Variants in CHRM2 observed in about 807,000 individuals in gnomAD.
The protein encoded by CHRM2 is muscarinic acetylcholine receptor M2.
A neutral mutation model predicts 25.0 loss-of-function variants in CHRM2; 8 were observed. The observed-to-expected ratio is 0.32, with a 90% confidence interval of 0.19 to 0.58. The LOEUF (loss-of-function observed/expected upper bound fraction) is 0.58, where lower values mean the gene tolerates loss of function less well. Ranked by LOEUF, CHRM2 falls within the 20% of genes least tolerant of loss-of-function variation. The pLI, the probability that CHRM2 is intolerant of heterozygous loss-of-function variation, is 0.88. For missense variants in CHRM2, 440 were observed against 567.1 expected (o/e 0.78, Z 2.28); for synonymous variants, 202 against 205.7 (o/e 0.98, Z 0.15).
At chr7:137,000,699 C>T (rs1803974301) in intron 3 of CHRM2, among the ~76,000 whole-genome samples, 1 of 151,732 alleles carries the variant, frequency 6.6e-6, no homozygotes, top group Non-Finnish European at 1.5e-5. Flanking sequence ...GCTTTACCAT[C>T]ACATTATAAA....
At chr7:136,881,787 G>A (rs566199011) in intron 2 of CHRM2, among the ~76,000 whole-genome samples, 1 of 152,114 alleles carries the variant, frequency 6.6e-6, no homozygotes, top group South Asian at 2.1e-4. Flanking sequence ...GTTTGGACAA[G>A]TCTTCCATTT....
At chr7:136,918,801 A>G (rs1447056163) in intron 2 of CHRM2, among the ~76,000 whole-genome samples, 2 of 152,004 alleles carry the variant, frequency 1.3e-5, no homozygotes, top group African/African-American at 4.8e-5. Context: ...TCCAGCAGCC[A>G]CTGATATATT....
intron 2 of CHRM2, chr7:136,901,714 TAAC>T (rs1224305262): frequency 6.6e-5 from 10 of 152,092 alleles, no homozygotes; most frequent in Non-Finnish European, 1.5e-4. Flanking sequence ...ATTTACAAAA[TAAC>T]AACATTGATA....
intron 2 of CHRM2, among the ~76,000 whole-genome samples, chr7:136,951,558 T>G (rs1197699206): frequency 6.6e-6 from 1 of 152,052 alleles, no homozygotes; most frequent in African/African-American, 2.4e-5. Flanking sequence ...TGATTGCAAA[T>G]AAGAAAAGAG....
chr7:136,877,337 C>A (rs573815448), intron 2 of CHRM2, among the ~76,000 whole-genome samples: 1 of 152,106 alleles, frequency 6.6e-6, no homozygotes, highest in South Asian at 2.1e-4. Context: ...GGGACACAGT[C>A]CCATTTGCAT....
chr7:136,947,427 G>A (rs944148854), intron 2 of CHRM2, among the ~76,000 whole-genome samples: 12 of 152,100 alleles, frequency 7.9e-5, no homozygotes, highest in Non-Finnish European at 1.2e-4. Flanking sequence ...GAGGTATTTA[G>A]GTTTTTCTAC....
At chr7:136,989,092 T>C (rs1803046217) in intron 2 of CHRM2, among the ~76,000 whole-genome samples, 1 of 152,078 alleles carries the variant, frequency 6.6e-6, no homozygotes, top group African/African-American at 2.4e-5. Flanking sequence ...ACATCAAAAG[T>C]GACAGAACCA....
At chr7:136,908,595 C>A (rs1372659501) in intron 2 of CHRM2, among the ~76,000 whole-genome samples, 1 of 151,884 alleles carries the variant, frequency 6.6e-6, no homozygotes, top group East Asian at 1.9e-4. Context: ...CATTCTCATA[C>A]TCACTGAATA....
chr7:137,013,322 T>A (rs1044509862), intron 3 of CHRM2, among the ~76,000 whole-genome samples: 11 of 151,074 alleles, frequency 7.3e-5, no homozygotes, highest in African/African-American at 2.4e-4. Flanking sequence ...TGGAAAACAA[T>A]TGACTTTCCA....
At chr7:136,879,842 C>A (rs532112237) in intron 2 of CHRM2, among the ~76,000 whole-genome samples, 1 of 151,748 alleles carries the variant, frequency 6.6e-6, no homozygotes, top group Non-Finnish European at 1.5e-5. Flanking sequence ...GAAAGAAAGG[C>A]GGCCATCTTT....
At chr7:136,957,246 A>T (rs1346422876) in intron 2 of CHRM2, among the ~76,000 whole-genome samples, 1 of 116,944 alleles carries the variant, frequency 8.6e-6, no homozygotes, top group East Asian at 2.2e-4. Flanking sequence ...AACAGGTGTC[A>T]TAGTGTATAT....
At chr7:136,901,182 G>A (rs941028060) in intron 2 of CHRM2, among the ~76,000 whole-genome samples, 1 of 152,008 alleles carries the variant, frequency 6.6e-6, no homozygotes, top group Non-Finnish European at 1.5e-5. Flanking sequence ...CCCTGGGAAA[G>A]GAAAAATTCC....
chr7:136,904,915 C>A (rs984472535), intron 2 of CHRM2, among the ~76,000 whole-genome samples: 4 of 151,920 alleles, frequency 2.6e-5, no homozygotes, highest in Non-Finnish European at 5.9e-5. Flanking sequence ...TAACTCACTA[C>A]ACTTCTGTAT....
At position 136,916,588 on chromosome 7, in the gene CHRM2, C is replaced by T. The variant is rs187356163; in HGVS notation, c.-125+47170C>T. On this transcript the variant is annotated intron_variant, in intron 2 of 3. Transcript: ENST00000680005. ...TCCGCTTCAAAGTTTATATTGTCCT[C>T]CTCACATGTTCCCTTTTATTTGCTT... Among the ~76,000 whole-genome samples the T allele has an allele frequency of 1.4e-4, 21 of 151,394 alleles. No individual in the cohort carries two copies. In the East Asian group the frequency reaches 4.1e-3, roughly 29 times the overall value.
intron 2 of CHRM2, among the ~76,000 whole-genome samples, chr7:136,980,007 T>C (rs961639264): frequency 6.6e-6 from 1 of 152,216 alleles, no homozygotes; most frequent in African/African-American, 2.4e-5. Context: ...TTGATGGGAA[T>C]AGCATTGAAT....
intron 2 of CHRM2, among the ~76,000 whole-genome samples, chr7:136,897,260 C>G (rs1386020072): frequency 6.6e-6 from 1 of 151,890 alleles, no homozygotes; most frequent in African/African-American, 2.4e-5. Flanking sequence ...TTTGAGGAAG[C>G]CAATGCATAT....
rs1223114668 is a variant in CHRM2 at position 136,954,075 on chromosome 7, T to G, written c.-124-38112T>G. On this transcript the variant is annotated intron_variant, in intron 2 of 3. Coordinates refer to ENST00000680005, the MANE Select transcript of CHRM2 (RefSeq NM_001006630.2). ...ATGCTTATATCAGTCCAGAACTTTG[T>G]GTTCTTCCTTTGAGGTAAGAGTGAG... is the stretch of plus-strand genomic sequence containing the variant. Among the ~76,000 whole-genome samples, 3 of 152,180 alleles carry G rather than the reference T, an allele frequency of 2.0e-5. No homozygotes were observed. In the East Asian group the frequency reaches 5.8e-4, roughly 29 times the overall value.
chr7:136,943,732 T>C (rs1467315104), intron 2 of CHRM2, among the ~76,000 whole-genome samples: 3 of 39,176 alleles, frequency 7.7e-5, no homozygotes, highest in Non-Finnish European at 1.7e-4. Context: ...TCAATGATTA[T>C]CTCAGAAATT....
At chr7:136,886,845 C>T (rs543485075) in intron 2 of CHRM2, among the ~76,000 whole-genome samples, 2 of 152,100 alleles carry the variant, frequency 1.3e-5, no homozygotes, top group Non-Finnish European at 2.9e-5. Context: ...TGCACACTAC[C>T]CTGAGCAACA....
Sources: allele counts gnomAD v4.1 joint callset (sites outside exome capture counted in the v4.1 genomes callset), GRCh38; gene constraint gnomAD v4.1.1; transcripts MANE v1.5; gene names NCBI Gene and HGNC (gene_info 2026-07-23, HGNC 2026-07-21).